The following KIAA1328 variants were observed in gnomAD, a reference collection of about 807,000 sequenced individuals.
KIAA1328 encodes protein hinderin.
Under a neutral mutation model 68.1 loss-of-function variants are expected in KIAA1328, and 52 were observed. That is an observed-to-expected ratio of 0.76 (90% CI 0.61 to 0.96). KIAA1328 has a LOEUF of 0.96. Ranked by LOEUF, KIAA1328 falls within the 40% of genes least tolerant of loss-of-function variation. The probability of loss-of-function intolerance (pLI) is 0.00; values close to 1 mark genes in which losing one functional copy is unlikely to be tolerated. For missense variants in KIAA1328, 641 were observed against 677.6 expected, an observed-to-expected ratio of 0.95 and a Z score of 0.60; for synonymous variants, 232 against 239.4, an observed-to-expected ratio of 0.97 and a Z score of 0.28.
At chr18:37,095,182 C>A (rs1029874650) in intron 7 of KIAA1328, among the ~76,000 whole-genome samples, 2 of 152,172 alleles carry the variant, frequency 1.3e-5, no homozygotes, top group Non-Finnish European at 2.9e-5. Flanking sequence ...ATCATCTAGG[C>A]AGAAAATCAA....
chr18:37,196,692 A>C (rs2060009260), intron 9 of KIAA1328, among the ~76,000 whole-genome samples: 1 of 152,038 alleles, frequency 6.6e-6, no homozygotes, highest in African/African-American at 2.4e-5. Flanking sequence ...GTATTTGTTA[A>C]GGAGTTTTGC....
chr18:37,058,538 C>A (rs893757851), intron 6 of KIAA1328, among the ~76,000 whole-genome samples: 8 of 151,948 alleles, frequency 5.3e-5, no homozygotes, highest in Admixed American at 1.3e-4. Flanking sequence ...CACGGTGAAA[C>A]CCTGTCTCTA....
intron 1 of KIAA1328, chr18:36,832,834 A>G (rs1037214107): frequency 6.8e-6 from 1 of 146,684 alleles, no homozygotes; most frequent in African/African-American, 2.7e-5. Context: ...TATATGTTCA[A>G]TGATTTTTTT....
intron 6 of KIAA1328, among the ~76,000 whole-genome samples, chr18:36,994,059 A>G (rs2053295460): frequency 6.6e-6 from 1 of 152,090 alleles, no homozygotes; most frequent in African/African-American, 2.4e-5. Context: ...AGTCGGTTGG[A>G]CATCTAGGAT....
intron 6 of KIAA1328, among the ~76,000 whole-genome samples, chr18:36,974,770 A>G (rs1048749836): frequency 6.6e-6 from 1 of 152,248 alleles, no homozygotes; most frequent in Non-Finnish European, 1.5e-5. Flanking sequence ...TCAACAGTAT[A>G]TAAGCATTTC....
intron 6 of KIAA1328, among the ~76,000 whole-genome samples, chr18:36,969,177 A>G (rs895526374): frequency 2.0e-5 from 3 of 152,168 alleles, no homozygotes; most frequent in East Asian, 3.9e-4. Flanking sequence ...ACAGCCACAT[A>G]AAAAGTTAGA....
intron 3 of KIAA1328, among the ~76,000 whole-genome samples, chr18:36,837,177 T>G (rs1018115776): frequency 2.0e-5 from 3 of 152,136 alleles, no homozygotes; most frequent in African/African-American, 7.2e-5. Flanking sequence ...TTCCAAACTG[T>G]TTTTTAAAGT....
At chr18:36,855,245 G>C (rs2047344829) in intron 4 of KIAA1328, among the ~76,000 whole-genome samples, 1 of 152,152 alleles carries the variant, frequency 6.6e-6, no homozygotes, top group South Asian at 2.1e-4. Flanking sequence ...GTTTTCTGCA[G>C]CTGCAGAGTG....
chr18:36,905,766 A>G (rs567508130), intron 5 of KIAA1328, among the ~76,000 whole-genome samples: 2 of 152,288 alleles, frequency 1.3e-5, no homozygotes, highest in Admixed American at 6.5e-5. Context: ...ACAAGTGCTC[A>G]CATTATCATG....
At chr18:36,900,312 A>G (rs1303591036) in intron 5 of KIAA1328, among the ~76,000 whole-genome samples, 5 of 152,002 alleles carry the variant, frequency 3.3e-5, no homozygotes, top group Non-Finnish European at 4.4e-5. Context: ...AAAGATTATC[A>G]TGTGGGTAAG....
At chr18:36,952,576 T>C (rs1272034309) in intron 5 of KIAA1328, among the ~76,000 whole-genome samples, 1 of 152,232 alleles carries the variant, frequency 6.6e-6, no homozygotes, top group African/African-American at 2.4e-5. Flanking sequence ...ATATCATTAC[T>C]AAGTACCAGA....
At chr18:36,837,909 T>A (rs192600693) in intron 3 of KIAA1328, among the ~76,000 whole-genome samples, 1 of 152,330 alleles carries the variant, frequency 6.6e-6, no homozygotes. Flanking sequence ...AAGGGTTTAT[T>A]TTTGGACTCT....
chr18:37,222,092 C>T lies in KIAA1328; in HGVS notation c.1599C>T (p.Ser533=), dbSNP rs749175808. ...CGCCCAAACCTCAGCGCTATCCCTC[C>T]AGAGAAGCTGGGGCCTGGAATCATG... is the stretch of plus-strand genomic sequence containing the variant. ...NSAPKPQRYP[S]REAGAWNHGT... Residue 533 remains serine (S), a synonymous_variant, in exon 10 of 10, where the codon TCC becomes TCT. Transcript: ENST00000280020. 11 of 1,613,590 alleles carry T rather than the reference C, an allele frequency of 6.8e-6. No individual in the cohort carries two copies. Among genetic ancestry groups the T allele is most frequent in the South Asian group, 1.1e-5 (1 of 90,972 alleles).
chr18:37,024,948 G>T (rs577898272), intron 6 of KIAA1328, among the ~76,000 whole-genome samples: 1 of 152,232 alleles, frequency 6.6e-6, no homozygotes, highest in Non-Finnish European at 1.5e-5. Context: ...CTGAGGAATT[G>T]CCACACTGTC....
chr18:37,024,368 C>T (rs1267517411), intron 6 of KIAA1328, among the ~76,000 whole-genome samples: 5 of 41,578 alleles, frequency 1.2e-4, no homozygotes, highest in Non-Finnish European at 2.6e-4. Context: ...TATTTATTTA[C>T]TTTATTTTAT....
chr18:37,117,426 G>A (rs1481370148), intron 7 of KIAA1328, among the ~76,000 whole-genome samples: 2 of 152,120 alleles, frequency 1.3e-5, no homozygotes, highest in East Asian at 1.9e-4. Flanking sequence ...CTCACTCATA[G>A]GTGGGAATTG....
At chr18:37,203,549 A>C (rs1271484843) in intron 9 of KIAA1328, among the ~76,000 whole-genome samples, 1 of 152,206 alleles carries the variant, frequency 6.6e-6, no homozygotes, top group Non-Finnish European at 1.5e-5. Flanking sequence ...TACAAGGTTA[A>C]CTCCTAGTAA....
intron 6 of KIAA1328, among the ~76,000 whole-genome samples, chr18:37,026,767 A>C (rs943831483): frequency 1.3e-5 from 2 of 152,220 alleles, no homozygotes; most frequent in African/African-American, 4.8e-5. Flanking sequence ...AGCCAATATC[A>C]TACTGAATGG....
At chr18:36,971,701 G>A (rs946292109) in intron 6 of KIAA1328, among the ~76,000 whole-genome samples, 6 of 152,116 alleles carry the variant, frequency 3.9e-5, no homozygotes, top group African/African-American at 1.4e-4. Context: ...AAAAGAACGA[G>A]ATCATGTTCT....
Sources: allele counts gnomAD v4.1 joint callset (sites outside exome capture counted in the v4.1 genomes callset), GRCh38; gene constraint gnomAD v4.1.1; transcripts MANE v1.5; gene names NCBI Gene and HGNC (gene_info 2026-07-23, HGNC 2026-07-21).